Variants in SLC6A20 observed in about 807,000 individuals in gnomAD.
SLC6A20 encodes solute carrier family 6 member 20, also known as sodium- and chloride-dependent transporter XTRP3.
Under a neutral mutation model 64.3 loss-of-function variants are expected in SLC6A20, and 73 were observed. The observed-to-expected ratio is 1.14, with a 90% CI of 0.94 to 1.38. The LOEUF is 1.38. SLC6A20 is among the 40% of genes most tolerant of loss of function. The pLI is 0.00. For missense variants in SLC6A20, 725 were observed against 772.8 expected (o/e 0.94, Z 0.73); for synonymous variants, 347 against 329.6 (o/e 1.05, Z -0.57).
At chr3:45,782,365 C>G in intron 1 of SLC6A20, 142 bp from the exon 2 acceptor site, 4 of 1,168,030 alleles carry the variant, frequency 3.4e-6, no homozygotes, top group Non-Finnish European at 4.7e-6. Flanking sequence ...ATCCATCCTC[C>G]TCTTTCTACT....
At position 45,796,508 on chromosome 3, in the gene SLC6A20, G is replaced by C. The variant is rs1311430369; in HGVS notation, c.-89C>G. ...TCGCCAGGCGCGCCGTCCCACCCCG[G>C]CTCGGCTTGGGGGTGGCCCCGCGCC... On this transcript the variant is annotated 5_prime_UTR_variant, in exon 1 of 11. Coordinates refer to ENST00000358525, the MANE Select transcript of SLC6A20 (RefSeq NM_020208.4). 5 of 1,400,920 alleles carry C rather than the reference G, an allele frequency of 3.6e-6. No individual in the cohort carries two copies. Among genetic ancestry groups the C allele is most frequent in the African/African-American group, 3.0e-5 (2 of 66,690 alleles). The allele number at this position is 1,400,920 out of a possible 1,614,324, so 86.8% of individuals were successfully genotyped here.
chr3:45,764,103 C>T (rs1370064748), intron 8 of SLC6A20, among the ~76,000 whole-genome samples: 4 of 152,064 alleles, frequency 2.6e-5, no homozygotes, highest in African/African-American at 7.2e-5. Flanking sequence ...TTTTCAGAGA[C>T]GGAGTAGTGT....
chr3:45,785,612 T>TC lies in SLC6A20; in HGVS notation c.122-3390_122-3389insG, dbSNP rs1343258768. On this transcript the variant is annotated intron_variant, in intron 1 of 10. Transcript: ENST00000358525. The stretch of plus-strand genomic sequence containing the variant: ...TGAGTTAATACTTAATAAACTCCCC[T>TC]TTCTCTCTCTCTCTCTCTCTCTCTC... 1.5e-3 allele frequency among the ~76,000 whole-genome samples: 167 copies of TC among 112,506 alleles called. 1 individual carries two copies. In the South Asian group the frequency reaches 0.022, roughly 15 times the overall value. The allele number at this position is 112,506 out of a possible 152,430, so 73.8% of individuals were successfully genotyped here.
Position 45,771,292 on chromosome 3 carries a change from G to C in SLC6A20, c.860C>G (p.Ser287Cys). 2 of 1,614,246 alleles carry C rather than the reference G, an allele frequency of 1.2e-6. No homozygotes were observed. The highest frequency in any genetic ancestry group is 1.7e-6 in the Non-Finnish European group (2 of 1,180,050). ...IIVSLINSFT[S>C]IFASIVTFSI... ...GAAGGTGACAATGCTGGCAAATATG[G>C]AGGTGAAGCTGTTGATGAGGGACAC... The change falls in exon 6 of 11, where the codon TCC becomes TGC. Residue 287 changes from serine to cysteine, a missense_variant. Ser to Cys is a moderately radical substitution (Grantham distance 112). Coordinates refer to ENST00000358525, the MANE Select transcript of SLC6A20 (RefSeq NM_020208.4).
intron 3 of SLC6A20, among the ~76,000 whole-genome samples, chr3:45,778,523 G>C (rs1700013072): frequency 6.6e-6 from 1 of 152,182 alleles, no homozygotes; most frequent in African/African-American, 2.4e-5. Flanking sequence ...CCATACTTCT[G>C]ACTATTAGAA....
At chr3:45,795,027 T>A (rs886186786) in intron 1 of SLC6A20, among the ~76,000 whole-genome samples, 4 of 152,326 alleles carry the variant, frequency 2.6e-5, no homozygotes, top group Middle Eastern at 3.4e-3. Context: ...GCTCTTGGTC[T>A]TCTCAAATGG....
At chr3:45,782,277 G>A (rs911952510) in intron 1 of SLC6A20, 54 bp from the exon 2 acceptor site, 10 of 1,569,570 alleles carry the variant, frequency 6.4e-6, no homozygotes, top group South Asian at 1.2e-5. Flanking sequence ...TTTTCTCCAC[G>A]ACCACTCAAC....
At chr3:45,764,775 G>C (rs539989191) in intron 8 of SLC6A20, among the ~76,000 whole-genome samples, 20 of 151,988 alleles carry the variant, frequency 1.3e-4, no homozygotes, top group Non-Finnish European at 2.5e-4. Context: ...GAACTCCAGG[G>C]GTGCATACTG....
At position 45,765,697 on chromosome 3, in the gene SLC6A20, G is replaced by A; in HGVS notation, c.1143C>T (p.Ala381=). The A allele has an allele frequency of 3.1e-6, 5 of 1,614,198 alleles. No homozygotes were observed. Among genetic ancestry groups the A allele is most frequent in the Non-Finnish European group, 4.2e-6 (5 of 1,180,032 alleles). The change falls in exon 8 of 11, where the codon GCC becomes GCT. Residue 381 remains alanine (A), a synonymous_variant. Transcript: ENST00000358525. This position sits in a 1 kb window ranked among gnomAD's most constrained non-coding sequence, Gnocchi z 4.2. The part of the protein sequence containing the change: ...TGLAFIVYTE[A]IKNMEVSQLW... ...GCTGGGACACCTCCATGTTTTTAAT[G>A]GCCTCTGTGTAGACGATGAATGCCA...
chr3:45,764,484 C>T, intron 8 of SLC6A20, among the ~76,000 whole-genome samples: 1 of 152,166 alleles, frequency 6.6e-6, no homozygotes, highest in East Asian at 1.9e-4. Context: ...AGGCAGATCA[C>T]TTGAGGTCAG....
chr3:45,780,217 C>G, intron 2 of SLC6A20, 117 bp from the exon 3 acceptor site: 1 of 833,278 alleles, frequency 1.2e-6, no homozygotes, highest in Non-Finnish European at 1.9e-6. Context: ...GGCGAGGCCT[C>G]CCTCCACCAG....
At chr3:45,791,300 A>C (rs528120655) in intron 1 of SLC6A20, among the ~76,000 whole-genome samples, 248 of 152,362 alleles carry the variant, frequency 1.6e-3, no homozygotes, top group Middle Eastern at 3.4e-3. Flanking sequence ...CCTGGGTTGC[A>C]CAGTAGAGCC....
rs903488214 is a variant in SLC6A20 at position 45,758,867 on chromosome 3, A to G, written c.*111T>C. ...CCTTCCTCATCTTCTTTAGACACTCAGGAAGTTGATGGGCTGAGCACTCCT... is the reference window on the plus strand; with the variant it reads ...CCTTCCTCATCTTCTTTAGACACTCGGGAAGTTGATGGGCTGAGCACTCCT... On this transcript the variant is annotated 3_prime_UTR_variant, in exon 11 of 11. Transcript: ENST00000358525. The G allele has an allele frequency of 1.3e-5, 19 of 1,415,240 alleles. No individual in the cohort carries two copies. The highest frequency in any genetic ancestry group is 3.0e-5 in the Admixed American group (1 of 33,564). The allele number at this position is 1,415,240 out of a possible 1,614,324, so 87.7% of individuals were successfully genotyped here.
chr3:45,764,545 T>C (rs1399170765), intron 8 of SLC6A20, among the ~76,000 whole-genome samples: 1 of 151,320 alleles, frequency 6.6e-6, no homozygotes, highest in Non-Finnish European at 1.5e-5. Context: ...TTTACTAAAA[T>C]ACAAAAATTA....
rs1241929720 is a variant in SLC6A20 at position 45,765,504 on chromosome 3, C to A, written c.1303+33G>T. The A allele has an allele frequency of 2.5e-6, 4 of 1,592,838 alleles. No homozygotes were observed. The highest frequency in any genetic ancestry group is 1.8e-5 in the Admixed American group (1 of 56,212). On this transcript the variant is annotated intron_variant, in intron 8 of 10. Transcript: ENST00000358525. This position sits in a 1 kb window ranked among gnomAD's most constrained non-coding sequence, Gnocchi z 4.2. ...CACCCCCACGCCTTGGCCCTCCTGA[C>A]CCCTGCCTCCTCCACTGGCTGGCCC...
At chr3:45,764,794 G>A (rs1185068231) in intron 8 of SLC6A20, among the ~76,000 whole-genome samples, 1 of 152,106 alleles carries the variant, frequency 6.6e-6, no homozygotes, top group Non-Finnish European at 1.5e-5. Flanking sequence ...TGCCTGGGAA[G>A]GGGTGTGAAG....
chr3:45,785,594 ATACT>A (rs372635244), intron 1 of SLC6A20, among the ~76,000 whole-genome samples: 316 of 138,950 alleles, frequency 2.3e-3, no homozygotes, highest in African/African-American at 8.0e-3. Context: ...ATGTGAGTTA[ATACT>A]TAATAAACTC....
In SLC6A20 at chr3:45,782,072, G is replaced by A. The variant is rs1456699074; in HGVS notation, c.262+11C>T. ...CTCTGGGTGGGAGAGGACTGGAGGG[G>A]CCCCACGTACCGACACCACTGAGGT... On this transcript the variant is annotated intron_variant, in intron 2 of 10. Coordinates refer to ENST00000358525, the MANE Select transcript of SLC6A20 (RefSeq NM_020208.4). The A allele has an allele frequency of 2.5e-6, 4 of 1,594,276 alleles. No individual in the cohort carries two copies. Among genetic ancestry groups the A allele is most frequent in the South Asian group, 1.1e-5 (1 of 87,662 alleles).
In SLC6A20 at chr3:45,762,993, G is replaced by A. The variant is rs772099308; in HGVS notation, c.1383C>T (p.Asn461=). The A allele has an allele frequency of 1.2e-5, 20 of 1,613,988 alleles. No homozygotes were observed. Among genetic ancestry groups the A allele is most frequent in the East Asian group, 8.9e-5 (4 of 44,882 alleles). ...GCAGGGACAGTGTGGCCGCGTAGTC[G>A]TTGAATATGTCAAACCAGTAGTTCC... ...EAGNYWFDIF[N]DYAATLSLLL... is the part of the protein sequence containing the mutation. The change falls in exon 9 of 11, where the codon AAC becomes AAT. Residue 461 remains asparagine (N), a synonymous_variant. Coordinates refer to ENST00000358525, the MANE Select transcript of SLC6A20 (RefSeq NM_020208.4).
Sources: allele counts gnomAD v4.1 joint callset (sites outside exome capture counted in the v4.1 genomes callset), GRCh38; gene constraint gnomAD v4.1.1; non-coding constraint Gnocchi (gnomAD v3.1); transcripts MANE v1.5; gene names NCBI Gene and HGNC (gene_info 2026-07-23, HGNC 2026-07-21).